The following APBA1 variants were observed in gnomAD, a reference collection of about 807,000 sequenced individuals.
The protein encoded by APBA1 is amyloid-beta A4 precursor protein-binding family A member 1.
Under a neutral mutation model 86.6 loss-of-function variants are expected in APBA1, and 55 were observed. The observed-to-expected ratio is 0.64, with a 90% CI of 0.51 to 0.80. The LOEUF is 0.80. APBA1 is among the 30% of genes least tolerant of loss of function. APBA1 has a pLI of 0.00. For synonymous variants in APBA1, 511 were observed against 493.9 expected, an observed-to-expected ratio of 1.03 and a Z score of -0.46; for missense variants, 1,090 against 1,183.0, an observed-to-expected ratio of 0.92 and a Z score of 1.15.
At chr9:69,615,431 T>C (rs1212060785) in intron 1 of APBA1, among the ~76,000 whole-genome samples, 1 of 152,200 alleles carries the variant, frequency 6.6e-6, no homozygotes, top group Admixed American at 6.5e-5. Flanking sequence ...ACATTGGTTA[T>C]ACTACCAAGG....
chr9:69,596,347 A>G (rs541359979), intron 1 of APBA1, among the ~76,000 whole-genome samples: 2 of 152,238 alleles, frequency 1.3e-5, no homozygotes, highest in African/African-American at 4.8e-5. Flanking sequence ...ACTGATATGG[A>G]ACTTTTATTC....
At chr9:69,637,742 T>C (rs1025935442) in intron 1 of APBA1, among the ~76,000 whole-genome samples, 1 of 152,182 alleles carries the variant, frequency 6.6e-6, no homozygotes, top group East Asian at 1.9e-4. Context: ...CACATAAAAG[T>C]GCTATAAAAT....
intron 1 of APBA1, among the ~76,000 whole-genome samples, chr9:69,519,966 A>C (rs1480939642): frequency 6.6e-6 from 1 of 152,154 alleles, no homozygotes; most frequent in Non-Finnish European, 1.5e-5. Context: ...GTGTTAATGT[A>C]GTTTTGGTAC....
At chr9:69,444,234 T>G (rs967086379) in intron 10 of APBA1, among the ~76,000 whole-genome samples, 1 of 152,214 alleles carries the variant, frequency 6.6e-6, no homozygotes, top group Non-Finnish European at 1.5e-5. Flanking sequence ...TCCAGGGAAC[T>G]GCTCTGGTTA....
upstream of APBA1, chr9:69,672,746 AG>A (rs1252971407): frequency 1.3e-5 from 2 of 152,160 alleles, no homozygotes; most frequent in Non-Finnish European, 2.9e-5. Flanking sequence ...GGACGCAAGG[AG>A]GGGAAAATGC....
chr9:69,442,164 T>TG (rs1480842805), intron 10 of APBA1, among the ~76,000 whole-genome samples: 6 of 152,170 alleles, frequency 3.9e-5, no homozygotes, highest in Non-Finnish European at 1.5e-5. Context: ...CCAGGGTGCC[T>TG]GCTGTGCCTC....
rs531834437 is a variant in APBA1 at position 69,454,011 on chromosome 9, C to T, written c.1789-1710G>A. Among the ~76,000 whole-genome samples, 12 of 152,330 alleles carry T rather than the reference C, an allele frequency of 7.9e-5. No homozygotes were observed. In the South Asian group the frequency reaches 2.1e-3, roughly 26 times the overall value. ...ATCCAGAGCCCATCCTCCTGCCCAC[C>T]ACACTGGAAGGCTTCTCTGTGAAAT... On this transcript the variant is annotated intron_variant, in intron 8 of 12. Transcript: ENST00000265381.
intron 11 of APBA1, among the ~76,000 whole-genome samples, chr9:69,440,143 A>T (rs1834788026): frequency 6.6e-6 from 1 of 152,144 alleles, no homozygotes; most frequent in South Asian, 2.1e-4. Context: ...TTCCTCTGGA[A>T]GTTTTGTCTC....
Position 69,516,150 on chromosome 9 carries a change from T to C in APBA1, c.1061A>G (p.Lys354Arg), listed in dbSNP as rs1836139077. Reference sequence around the variant, plus strand: ...GGTTTTCACCTCCTCGATGGCCTCCTTGATGTCCTTGATGGCCAGCGAGAT... The same window carrying C: ...GGTTTTCACCTCCTCGATGGCCTCCCTGATGTCCTTGATGGCCAGCGAGAT... ...DAISLAIKDI[K>R]EAIEEVKTRT... Residue 354 changes from lysine to arginine, a missense_variant, in exon 2 of 13, where the codon AAG becomes AGG. This residue lies in a region of APBA1 where 678 missense variants were observed against 647.1 expected (regional missense o/e 1.05). Transcript: ENST00000265381. This position sits in a 1 kb window ranked among gnomAD's most constrained non-coding sequence, Gnocchi z 7.3. 1.2e-6 allele frequency: 2 copies of C among 1,612,852 alleles called. No individual in the cohort carries two copies. The highest frequency in any genetic ancestry group is 1.1e-5 in the South Asian group (1 of 91,008).
At position 69,517,221 on chromosome 9, in the gene APBA1, G is replaced by A; in HGVS notation, c.-11C>T. 1 of 1,464,348 alleles carries A rather than the reference G, an allele frequency of 6.8e-7. No homozygotes were observed. The highest frequency in any genetic ancestry group is 9.0e-7 in the Non-Finnish European group (1 of 1,107,700). The allele number at this position is 1,464,348 out of a possible 1,614,324, so 90.7% of individuals were successfully genotyped here. A position where few individuals can be genotyped will look rare whatever the true frequency, so the allele number is the denominator to read the frequency against. ...CTCCAAGTGGTTCATGGTGGGAGTC[G>A]GAACGGCTAGGAGAGAAGCTGGGCC... On this transcript the variant is annotated 5_prime_UTR_variant, in exon 2 of 13. Transcript: ENST00000265381.
chr9:69,605,187 T>C (rs967807438), intron 1 of APBA1, among the ~76,000 whole-genome samples: 1 of 152,284 alleles, frequency 6.6e-6, no homozygotes, highest in South Asian at 2.1e-4. Flanking sequence ...CTCATATTTA[T>C]ATAGAATTTT....
At chr9:69,559,978 G>A (rs1341253401) in intron 1 of APBA1, among the ~76,000 whole-genome samples, 1 of 152,196 alleles carries the variant, frequency 6.6e-6, no homozygotes, top group African/African-American at 2.4e-5. Context: ...CCAGGACATG[G>A]AAAGAGCTTG....
In APBA1 at chr9:69,452,908, C is replaced by T. The variant is rs576085141; in HGVS notation, c.1789-607G>A. 8.5e-5 allele frequency among the ~76,000 whole-genome samples: 13 copies of T among 152,302 alleles called. No homozygotes were observed. In the East Asian group the frequency reaches 1.7e-3, roughly 20 times the overall value. On this transcript the variant is annotated intron_variant, in intron 8 of 12. Transcript: ENST00000265381. ...CCCTATCAACCTGCACGTGTGCTGT[C>T]ATGCATGGTGATTATGCATGTGCTT...
intron 1 of APBA1, among the ~76,000 whole-genome samples, chr9:69,590,834 CA>C (rs1485303107): frequency 2.0e-5 from 3 of 152,194 alleles, no homozygotes; most frequent in Non-Finnish European, 4.4e-5. Context: ...TGGGTTTCTG[CA>C]GACAGCTAAA....
intron 7 of APBA1, 68 bp from the exon 8 acceptor site, chr9:69,456,500 C>T: frequency 6.8e-7 from 1 of 1,465,900 alleles, no homozygotes; most frequent in Non-Finnish European, 9.2e-7. Context: ...GCGCCTGCCA[C>T]CTTACAGCCA....
chr9:69,477,113 C>T (rs114025313), intron 2 of APBA1, among the ~76,000 whole-genome samples: 2 of 152,102 alleles, frequency 1.3e-5, no homozygotes, highest in Non-Finnish European at 2.9e-5. Flanking sequence ...CAGGGGGCGG[C>T]GGAGCCAAGA....
chr9:69,526,211 G>T (rs1003939295), intron 1 of APBA1, among the ~76,000 whole-genome samples: 1 of 151,948 alleles, frequency 6.6e-6, no homozygotes, highest in Non-Finnish European at 1.5e-5. Context: ...CAAACACAAA[G>T]ATTGACAAGT....
chr9:69,465,573 C>T (rs753757223), intron 5 of APBA1: 9 of 152,146 alleles, frequency 5.9e-5, no homozygotes, highest in Admixed American at 5.2e-4. Context: ...GTCACTACTT[C>T]GTGGAAACAG....
chr9:69,473,675 TTGAAG>T (rs1192145032), intron 3 of APBA1, among the ~76,000 whole-genome samples: 2 of 152,076 alleles, frequency 1.3e-5, no homozygotes, highest in Non-Finnish European at 2.9e-5. Context: ...ACCCTAAAAC[TTGAAG>T]TATAATTAAA....
Sources: gnomAD v4.1 joint callset for allele counts (sites outside exome capture counted in the v4.1 genomes callset) on GRCh38, gnomAD v4.1.1 for gene constraint, gnomAD v4.1.1 regional missense constraint, Gnocchi (gnomAD v3.1) non-coding constraint, MANE v1.5 for transcripts, NCBI Gene and HGNC (gene_info 2026-07-23, HGNC 2026-07-21) for gene names.